The following GALNT18 variants were observed in gnomAD, a reference collection of about 807,000 sequenced individuals.
GALNT18 encodes polypeptide N-acetylgalactosaminyltransferase 18.
In GALNT18, 44 loss-of-function variants were observed where a neutral mutation model predicts 69.5. The observed-to-expected ratio is 0.63, with a 90% CI of 0.50 to 0.81. GALNT18 has a LOEUF of 0.81. Ranked by LOEUF, GALNT18 falls within the 40% of genes least tolerant of loss-of-function variation. The probability of loss-of-function intolerance (pLI) is 0.00; values close to 1 mark genes in which losing one functional copy is unlikely to be tolerated. For missense variants in GALNT18, 715 were observed against 810.0 expected (o/e 0.88, Z 1.42); for synonymous variants, 364 against 318.2 (o/e 1.14, Z -1.53).
intron 3 of GALNT18, among the ~76,000 whole-genome samples, chr11:11,411,312 A>G (rs1271890166): frequency 6.6e-6 from 1 of 152,158 alleles, no homozygotes; most frequent in African/African-American, 2.4e-5. Flanking sequence ...CCCGCTGTCT[A>G]CACACGAGGA....
In GALNT18 at chr11:11,470,968, A is replaced by C. The variant is rs1027507672; in HGVS notation, c.236-22032T>G. Among the ~76,000 whole-genome samples the C allele has an allele frequency of 6.6e-6, 1 of 151,980 alleles. No individual in the cohort carries two copies. The highest frequency in any genetic ancestry group is 2.1e-4 in the South Asian group (1 of 4,802). On this transcript the variant is annotated intron_variant, in intron 1 of 10. Coordinates refer to ENST00000227756, the MANE Select transcript of GALNT18 (RefSeq NM_198516.3). This position sits in a 1 kb window ranked among gnomAD's most constrained non-coding sequence, Gnocchi z 4.8. The stretch of plus-strand genomic sequence containing the variant: ...TCTTGATTTCTCCCCATTCATACTC[A>C]GGGGCCCGGGCACATCAATATCCCT...
chr11:11,571,772 T>A (rs1858798595), intron 1 of GALNT18, among the ~76,000 whole-genome samples: 1 of 152,164 alleles, frequency 6.6e-6, no homozygotes, highest in Admixed American at 6.5e-5. Context: ...TCCAATGACC[T>A]GGAAAAAAAA....
chr11:11,518,384 T>TGTTTA (rs1327844211), intron 1 of GALNT18, among the ~76,000 whole-genome samples: 1 of 152,252 alleles, frequency 6.6e-6, no homozygotes, highest in East Asian at 1.9e-4. Context: ...ATTATGGTTT[T>TGTTTA]GTTTAGTTAA....
At chr11:11,485,005 G>C (rs1216120608) in intron 1 of GALNT18, among the ~76,000 whole-genome samples, 1 of 152,246 alleles carries the variant, frequency 6.6e-6, no homozygotes, top group African/African-American at 2.4e-5. Context: ...CCTTGGGCAA[G>C]TCACTCAACA....
chr11:11,390,042 TAG>T (rs954362624), intron 3 of GALNT18, among the ~76,000 whole-genome samples: 2 of 152,198 alleles, frequency 1.3e-5, no homozygotes, highest in Non-Finnish European at 2.9e-5. Flanking sequence ...CTGAAATTTT[TAG>T]AGTCTCTGAT....
chr11:11,595,717 A>G lies in GALNT18; in HGVS notation c.235+25642T>C, dbSNP rs1177949189. On this transcript the variant is annotated intron_variant, in intron 1 of 10. Transcript: ENST00000227756. This position sits in a 1 kb window ranked among gnomAD's most constrained non-coding sequence, Gnocchi z 5.2. ...ATTTGTCTATTGAGATGTTTTGCCT[A>G]TTTTTTAATTGTGTCATTTATCACC... Among the ~76,000 whole-genome samples the G allele has an allele frequency of 1.3e-5, 2 of 152,166 alleles. No individual in the cohort carries two copies. Among genetic ancestry groups the G allele is most frequent in the African/African-American group, 2.4e-5 (1 of 41,444 alleles).
intron 4 of GALNT18, among the ~76,000 whole-genome samples, chr11:11,378,061 G>A (rs1853816743): frequency 6.6e-6 from 1 of 152,214 alleles, no homozygotes; most frequent in African/African-American, 2.4e-5. Context: ...GCTTGAAATA[G>A]TAAGTGTCCC....
chr11:11,545,972 G>T (rs1858044665), intron 1 of GALNT18, among the ~76,000 whole-genome samples: 1 of 152,152 alleles, frequency 6.6e-6, no homozygotes, highest in Non-Finnish European at 1.5e-5. Flanking sequence ...CACCAGAAAA[G>T]AACAGAGCTA....
At chr11:11,426,732 A>T (rs1305727552) in intron 3 of GALNT18, among the ~76,000 whole-genome samples, 4 of 152,074 alleles carry the variant, frequency 2.6e-5, no homozygotes, top group Non-Finnish European at 4.4e-5. Context: ...GACAGGGAGG[A>T]GTGCTGCCCT....
rs770928443 is a variant in GALNT18 at position 11,352,913 on chromosome 11, A to G, written c.1093-11909T>C. 8 of 1,614,116 alleles carry G rather than the reference A, an allele frequency of 5.0e-6. No individual in the cohort carries two copies. The South Asian group carries it at 7.7e-5, about 16-fold the overall frequency. ...TTTTCTTCTTTTTTACTGGCTTGAG[A>G]ATTTTAACAACAACTTTTTCATTAT... On this transcript the variant is annotated intron_variant, in intron 6 of 10. Coordinates refer to ENST00000227756, the MANE Select transcript of GALNT18 (RefSeq NM_198516.3).
chr11:11,316,471 G>A (rs1025469356), intron 9 of GALNT18, among the ~76,000 whole-genome samples: 1 of 152,146 alleles, frequency 6.6e-6, no homozygotes, highest in Non-Finnish European at 1.5e-5. Flanking sequence ...ACCACACAGG[G>A]GAGAGGTGAT....
In GALNT18 at chr11:11,413,088, G is replaced by T. The variant is rs952922186; in HGVS notation, c.595+19533C>A. On this transcript the variant is annotated intron_variant, in intron 3 of 10. Coordinates refer to ENST00000227756, the MANE Select transcript of GALNT18 (RefSeq NM_198516.3). The surrounding 1 kb of genome is among the most constrained non-coding windows in gnomAD (Gnocchi z 4.7). Reference sequence around the variant, plus strand: ...CTCTTATTGGTGGTCTCCCTTCCTTGTCTTATCTCCCTACCCCACTGGCAT... The same window carrying T: ...CTCTTATTGGTGGTCTCCCTTCCTTTTCTTATCTCCCTACCCCACTGGCAT... Among the ~76,000 whole-genome samples the T allele has an allele frequency of 6.6e-6, 1 of 152,166 alleles. No individual in the cohort carries two copies. The highest frequency in any genetic ancestry group is 1.5e-5 in the Non-Finnish European group (1 of 68,038).
chr11:11,515,887 G>A (rs911831540), intron 1 of GALNT18, among the ~76,000 whole-genome samples: 4 of 152,232 alleles, frequency 2.6e-5, no homozygotes, highest in African/African-American at 9.6e-5. Flanking sequence ...AGTGGGAGGA[G>A]AGGTGGGTCC....
At position 11,339,186 on chromosome 11, in the gene GALNT18, C is replaced by G. The variant is rs926719798; in HGVS notation, c.1278+1633G>C. 3.9e-5 allele frequency among the ~76,000 whole-genome samples: 6 copies of G among 152,174 alleles called. No individual in the cohort carries two copies. Among genetic ancestry groups the G allele is most frequent in the African/African-American group, 1.4e-4 (6 of 41,438 alleles). On this transcript the variant is annotated intron_variant, in intron 7 of 10. Coordinates refer to ENST00000227756, the MANE Select transcript of GALNT18 (RefSeq NM_198516.3). The surrounding 1 kb of genome is among the most constrained non-coding windows in gnomAD (Gnocchi z 5.2). ...ACACACTGATCCTTTCCTTCTCCAC[C>G]TAAGGCTTTATCCTGGGCAATTCCA...
intron 6 of GALNT18, chr11:11,352,002 A>G (rs765051502): frequency 3.1e-5 from 50 of 1,612,742 alleles, no homozygotes; most frequent in Non-Finnish European, 4.1e-5. Flanking sequence ...GGCAGCAGCA[A>G]TCACTGGTGA....
chr11:11,446,218 C>A (rs1489232528), intron 2 of GALNT18, among the ~76,000 whole-genome samples: 3 of 152,190 alleles, frequency 2.0e-5, no homozygotes, highest in Admixed American at 6.5e-5. Context: ...ACCTTCACTG[C>A]CCTGTTAATG....
chr11:11,597,949 C>G (rs114565455), intron 1 of GALNT18, among the ~76,000 whole-genome samples: 7 of 152,080 alleles, frequency 4.6e-5, no homozygotes, highest in Non-Finnish European at 7.4e-5. Flanking sequence ...CGTGAGCCAC[C>G]GCGCCTGACC....
chr11:11,491,718 A>G (rs1590048844), intron 1 of GALNT18, among the ~76,000 whole-genome samples: 1 of 152,208 alleles, frequency 6.6e-6, no homozygotes, highest in East Asian at 1.9e-4. Flanking sequence ...TGGAATCTGT[A>G]CCCTGGGAAG....
intron 1 of GALNT18, among the ~76,000 whole-genome samples, chr11:11,547,448 CA>C (rs1858084122): frequency 6.6e-6 from 1 of 152,260 alleles, no homozygotes; most frequent in Non-Finnish European, 1.5e-5. Flanking sequence ...CTTTCTTCAG[CA>C]TGGTCTGCTC....
Sources: allele counts gnomAD v4.1 joint callset (sites outside exome capture counted in the v4.1 genomes callset), GRCh38; gene constraint gnomAD v4.1.1; non-coding constraint Gnocchi (gnomAD v3.1); transcripts MANE v1.5; gene names NCBI Gene and HGNC (gene_info 2026-07-23, HGNC 2026-07-21).